The following GLCCI1 variants were observed in gnomAD, a reference collection of about 807,000 sequenced individuals.
GLCCI1 encodes glucocorticoid induced 1.
GLCCI1 carries 24 observed loss-of-function variants against 52.2 expected under a neutral mutation model. The ratio of observed to expected loss-of-function variants is 0.46; its 90% CI spans 0.33 to 0.65. GLCCI1 has a LOEUF of 0.65. Among genes scored for constraint, GLCCI1 ranks in the 30% least tolerant of loss-of-function variants. GLCCI1 has a pLI of 0.02. For synonymous variants in GLCCI1, 310 were observed against 276.5 expected, an observed-to-expected ratio of 1.12 and a Z score of -1.20; for missense variants, 704 against 701.5, an observed-to-expected ratio of 1.00 and a Z score of -0.04.
chr7:7,978,080 A>AATAGCTGT (rs1780532874), intron 1 of GLCCI1, among the ~76,000 whole-genome samples: 1 of 152,218 alleles, frequency 6.6e-6, no homozygotes. Flanking sequence ...TGGAACTTAA[A>AATAGCTGT]ATAGCTGTAA....
intron 3 of GLCCI1, among the ~76,000 whole-genome samples, chr7:8,025,804 T>C (rs1781607013): frequency 6.6e-6 from 1 of 152,132 alleles, no homozygotes; most frequent in Non-Finnish European, 1.5e-5. Flanking sequence ...CCTGATGCAT[T>C]CAAAGTGCTG....
intron 1 of GLCCI1, among the ~76,000 whole-genome samples, chr7:7,993,751 G>A (rs1780889910): frequency 6.6e-6 from 1 of 151,008 alleles, no homozygotes; most frequent in Non-Finnish European, 1.5e-5. Flanking sequence ...TGTTGTAGAT[G>A]CCAATACTCC....
At position 8,004,006 on chromosome 7, in the gene GLCCI1, C is replaced by T; in HGVS notation, c.556C>T (p.Pro186Ser). Residue 186 changes from proline (P) to serine (S), a missense_variant, in exon 2 of 8, where the codon CCA becomes TCA. By Grantham distance (74) the Pro-to-Ser change is moderately conservative (BLOSUM62 -1). Around this residue, in one of 3 missense-constraint regions of GLCCI1, gnomAD observed 547 missense variants for 524.8 expected, o/e 1.04. Coordinates refer to ENST00000223145, the MANE Select transcript of GLCCI1 (RefSeq NM_138426.4). ...ITGPYLTGQW[P>S]RDPHVHYPSC... ...AGGACCTTACCTCACAGGACAGTGG[C>T]CACGGGATCCTCATGTTCACTACCC... is the stretch of plus-strand genomic sequence containing the variant. The T allele has an allele frequency of 6.2e-7, 1 of 1,613,736 alleles. No homozygotes were observed. Among genetic ancestry groups the T allele is most frequent in the Non-Finnish European group, 8.5e-7 (1 of 1,179,766 alleles).
At chr7:8,066,448 C>T (rs1782632914) in intron 5 of GLCCI1, among the ~76,000 whole-genome samples, 1 of 151,696 alleles carries the variant, frequency 6.6e-6, no homozygotes, top group South Asian at 2.1e-4. Context: ...TTAGTTTGCT[C>T]TTGTTTCTCT....
At position 7,969,786 on chromosome 7, in the gene GLCCI1, C is replaced by A; in HGVS notation, c.436C>A (p.Pro146Thr). The A allele has an allele frequency of 6.7e-7, 1 of 1,484,534 alleles. No homozygotes were observed. Among genetic ancestry groups the A allele is most frequent in the South Asian group, 1.2e-5 (1 of 81,528 alleles). 92.0% of individuals were successfully genotyped at this position (1,484,534 alleles called of 1,614,324 possible). A position where few individuals can be genotyped will look rare whatever the true frequency, so the allele number is the denominator to read the frequency against. Residue 146 changes from proline to threonine, a missense_variant, in exon 1 of 8, where the codon CCC (proline) becomes ACC (threonine). Physicochemically the swap from Pro to Thr is conservative, Grantham distance 38. Transcript: ENST00000223145. The surrounding 1 kb of genome is among the most constrained non-coding windows in gnomAD (Gnocchi z 4.9). ...GAGCAGCTCACCTGAGAGACGGAGC[C>A]CCGGCTCGCCCGTGTGCAGAGGTAG... ...RRSSSPERRSPGSPVCRADKA... is the reference protein window; with the variant it reads ...RRSSSPERRSTGSPVCRADKA...
intron 6 of GLCCI1, among the ~76,000 whole-genome samples, chr7:8,073,536 G>A (rs896250772): frequency 6.6e-6 from 1 of 151,672 alleles, no homozygotes; most frequent in Non-Finnish European, 1.5e-5. Flanking sequence ...TGAGAACATT[G>A]GTTCAGATCA....
intron 1 of GLCCI1, chr7:7,982,189 C>T: frequency 3.7e-6 from 1 of 271,514 alleles, no homozygotes; most frequent in South Asian, 4.3e-5. Flanking sequence ...AAGCAGAAAT[C>T]CAAAGAAAAA....
intron 6 of GLCCI1, among the ~76,000 whole-genome samples, chr7:8,072,161 A>G (rs1319748006): frequency 6.6e-6 from 1 of 152,186 alleles, no homozygotes; most frequent in Non-Finnish European, 1.5e-5. Context: ...CTTGAAAGTA[A>G]CCACTTTGCT....
In GLCCI1 at chr7:8,053,851, C is replaced by T. The variant is rs568705637; in HGVS notation, c.697-1582C>T. Reference sequence around the variant, plus strand: ...AGGTCTGTCTTTGGAATTCACAGTACATGTGAAAAGCTATAGGATTATATT... The same window carrying T: ...AGGTCTGTCTTTGGAATTCACAGTATATGTGAAAAGCTATAGGATTATATT... On this transcript the variant is annotated intron_variant, in intron 3 of 7. Transcript: ENST00000223145. 2.6e-5 allele frequency among the ~76,000 whole-genome samples: 4 copies of T among 152,132 alleles called. No homozygotes were observed. The South Asian group carries it at 8.3e-4, about 32-fold the overall frequency.
Position 7,969,603 on chromosome 7 carries a change from G to T in GLCCI1, c.253G>T (p.Val85Phe). ...CCAGCACAGTCCCACGCGTCCGCCC[G>T]TCGCCGCTGCCGCCGCCTCGCTGGG... is the stretch of plus-strand genomic sequence containing the variant. ...GSQHSPTRPP[V>F]AAAAASLGSL... is the part of the protein sequence containing the mutation. The change falls in exon 1 of 8, where the codon GTC becomes TTC. Residue 85 changes from valine (V) to phenylalanine (F), a missense_variant. This residue lies in a region of GLCCI1 where 547 missense variants were observed against 524.8 expected (regional missense o/e 1.04). Transcript: ENST00000223145. The surrounding 1 kb of genome is among the most constrained non-coding windows in gnomAD (Gnocchi z 4.9). 9.7e-7 allele frequency: 1 copy of T among 1,030,100 alleles called. No homozygotes were observed. Among genetic ancestry groups the T allele is most frequent in the Non-Finnish European group, 1.2e-6 (1 of 860,836 alleles). The allele number at this position is 1,030,100 out of a possible 1,614,324, so 63.8% of individuals were successfully genotyped here. A position where few individuals can be genotyped will look rare whatever the true frequency, so the allele number is the denominator to read the frequency against.
intron 6 of GLCCI1, among the ~76,000 whole-genome samples, chr7:8,082,415 TACA>T (rs1198281365): frequency 6.6e-6 from 1 of 152,140 alleles, no homozygotes; most frequent in African/African-American, 2.4e-5. Flanking sequence ...CATAGAACTA[TACA>T]ACAAGAGCTA....
intron 5 of GLCCI1, among the ~76,000 whole-genome samples, chr7:8,060,862 A>T (rs1272185720): frequency 6.6e-6 from 1 of 152,144 alleles, no homozygotes; most frequent in Non-Finnish European, 1.5e-5. Context: ...CTAACATGGT[A>T]ACTCTATGTT....
intron 6 of GLCCI1, chr7:8,084,606 TAATA>T (rs775385095): frequency 5.3e-5 from 13 of 243,984 alleles, no homozygotes; most frequent in Admixed American, 1.6e-4. Flanking sequence ...TTGAAATACG[TAATA>T]AATAACATAT....
At chr7:8,049,640 A>C (rs1782213656) in intron 3 of GLCCI1, among the ~76,000 whole-genome samples, 1 of 152,198 alleles carries the variant, frequency 6.6e-6, no homozygotes, top group South Asian at 2.1e-4. Flanking sequence ...CGCTTCATTA[A>C]ATTTTTGTTC....
rs114305362 is a variant in GLCCI1, at chr7:8,033,515, A to G, written c.696+10946A>G. Among the ~76,000 whole-genome samples the G allele has an allele frequency of 2.6e-3, 396 of 152,234 alleles. 1 individual carries two copies. Among genetic ancestry groups the G allele is most frequent in the African/African-American group, 8.9e-3 (369 of 41,584 alleles). Reference sequence around the variant, plus strand: ...ATATGTAAAAACTCCTATGGAATGTACAAATATATTATTATAACTAATAAG... The same window carrying G: ...ATATGTAAAAACTCCTATGGAATGTGCAAATATATTATTATAACTAATAAG... On this transcript the variant is annotated intron_variant, in intron 3 of 7. Transcript: ENST00000223145.
intron 2 of GLCCI1, among the ~76,000 whole-genome samples, chr7:8,006,894 T>A (rs1781162380): frequency 6.6e-6 from 1 of 152,186 alleles, no homozygotes. Flanking sequence ...ACCCACCAGT[T>A]CTCACATTCA....
chr7:8,056,381 TC>T (rs1274592672), intron 4 of GLCCI1, among the ~76,000 whole-genome samples: 1 of 152,202 alleles, frequency 6.6e-6, no homozygotes, highest in Non-Finnish European at 1.5e-5. Flanking sequence ...AATCTTTACT[TC>T]CTTCATTTAT....
chr7:8,063,962 G>C (rs1396380352), intron 5 of GLCCI1, among the ~76,000 whole-genome samples: 1 of 152,092 alleles, frequency 6.6e-6, no homozygotes, highest in East Asian at 1.9e-4. Context: ...TTTGGTTTTT[G>C]CTTGTTCATT....
At chr7:8,028,410 C>T (rs564714577) in intron 3 of GLCCI1, among the ~76,000 whole-genome samples, 3 of 152,088 alleles carry the variant, frequency 2.0e-5, no homozygotes, top group Non-Finnish European at 4.4e-5. Context: ...CTTCTTGAAA[C>T]AAATGATAAT....
Sources: allele counts gnomAD v4.1 joint callset (sites outside exome capture counted in the v4.1 genomes callset), GRCh38; gene constraint gnomAD v4.1.1; regional missense constraint gnomAD v4.1.1; non-coding constraint Gnocchi (gnomAD v3.1); transcripts MANE v1.5; gene names NCBI Gene and HGNC (gene_info 2026-07-23, HGNC 2026-07-21).